Variants in RUFY3 observed in about 807,000 individuals in gnomAD.
RUFY3 encodes RUN and FYVE domain containing 3.
In RUFY3, 34 loss-of-function variants were observed where a neutral mutation model predicts 84.0. The ratio of observed to expected loss-of-function variants is 0.40; its 90% confidence interval spans 0.31 to 0.54. The LOEUF (loss-of-function observed/expected upper bound fraction) is 0.54. Ranked by LOEUF, RUFY3 falls within the 20% of genes least tolerant of loss-of-function variation. The pLI, the probability that RUFY3 is intolerant of heterozygous loss-of-function variation, is 0.39. For missense variants in RUFY3, 507 were observed against 736.8 expected (o/e 0.69, Z 3.61); for synonymous variants, 242 against 252.9 (o/e 0.96, Z 0.41).
intron 12 of RUFY3, chr4:70,793,453 A>C: frequency 8.8e-7 from 1 of 1,131,490 alleles, no homozygotes; most frequent in Non-Finnish European, 1.1e-6. Context: ...ATTACTGTGT[A>C]CTTGAGGTTG....
chr4:70,709,744 C>T (rs78792330), intron 1 of RUFY3, among the ~76,000 whole-genome samples: 12,865 of 152,198 alleles, frequency 0.085, 1,280 homozygotes, highest in East Asian at 0.22. Context: ...GCACAGTTAA[C>T]AGCTTCTATT....
Position 70,721,993 on chromosome 4 carries a change from C to T in RUFY3, c.-581C>T. ...CATTAGTCAGCCATTTTGGTCAACA[C>T]CCTGCTTACTGCGCACGGCCAATCC... On this transcript the variant is annotated 5_prime_UTR_variant, in exon 1 of 18. Coordinates refer to ENST00000381006, the MANE Select transcript of RUFY3 (RefSeq NM_001037442.4). The T allele has an allele frequency of 1.6e-6, 2 of 1,232,176 alleles. No homozygotes were observed. The highest frequency in any genetic ancestry group is 3.2e-5 in the East Asian group (1 of 31,706). The allele number at this position is 1,232,176 out of a possible 1,614,324, so 76.3% of individuals were successfully genotyped here.
At chr4:70,715,765 G>A (rs867210574) in intron 1 of RUFY3, among the ~76,000 whole-genome samples, 5 of 152,222 alleles carry the variant, frequency 3.3e-5, no homozygotes, top group Non-Finnish European at 5.9e-5. Context: ...TTAGGAAGAA[G>A]TTTCTATTCT....
chr4:70,742,599 G>C (rs1721501192), intron 1 of RUFY3, among the ~76,000 whole-genome samples: 1 of 152,214 alleles, frequency 6.6e-6, no homozygotes, highest in South Asian at 2.1e-4. Context: ...ACTTGCTGCT[G>C]CAGAACTTGG....
chr4:70,756,974 A>T (rs1381222027), intron 1 of RUFY3, among the ~76,000 whole-genome samples: 1 of 152,192 alleles, frequency 6.6e-6, no homozygotes, highest in African/African-American at 2.4e-5. Context: ...TAACAAAAAA[A>T]AAATTTTTTT....
chr4:70,740,161 T>C (rs1721098734), intron 1 of RUFY3, among the ~76,000 whole-genome samples: 1 of 152,120 alleles, frequency 6.6e-6, no homozygotes, highest in African/African-American at 2.4e-5. Context: ...TATAAAAGAA[T>C]GGCATGTTAC....
In RUFY3 at chr4:70,807,729, G is replaced by A. The variant is rs2148826838; in HGVS notation, c.*1070G>A. Reference sequence around the variant, plus strand: ...TTGCTCAGCCTGGTCTCAAACTCCTGGGCTTAAGCAGTCCTCCCACCTTGA... The same window carrying A: ...TTGCTCAGCCTGGTCTCAAACTCCTAGGCTTAAGCAGTCCTCCCACCTTGA... On this transcript the variant is annotated 3_prime_UTR_variant, in exon 18 of 18. Transcript: ENST00000381006. Among the ~76,000 whole-genome samples, 1 of 148,640 alleles carries A rather than the reference G, an allele frequency of 6.7e-6. No individual in the cohort carries two copies. The highest frequency in any genetic ancestry group is 2.1e-4 in the South Asian group (1 of 4,704).
chr4:70,799,292 C>T, intron 14 of RUFY3: 2 of 152,416 alleles, frequency 1.3e-5, no homozygotes, highest in Non-Finnish European at 1.5e-5. Flanking sequence ...GTACTCCCAG[C>T]ACTTTGGGAG....
In RUFY3 at chr4:70,793,963, G is replaced by A; in HGVS notation, c.1457+59G>A. ...TCATGGGTAATTCTTAGGGTAGACA[G>A]CAAGAAAAGGGGTCTCATGACTTCC... is the stretch of plus-strand genomic sequence containing the variant. On this transcript the variant is annotated intron_variant, in intron 13 of 17. Transcript: ENST00000381006. 1.3e-6 allele frequency: 2 copies of A among 1,572,998 alleles called. 1 individual carries two copies. Among genetic ancestry groups the A allele is most frequent in the South Asian group, 2.3e-5 (2 of 87,730 alleles).
chr4:70,712,349 C>A (rs1366597394), intron 1 of RUFY3, among the ~76,000 whole-genome samples: 1 of 152,160 alleles, frequency 6.6e-6, no homozygotes, highest in Non-Finnish European at 1.5e-5. Flanking sequence ...CCTCAATAGT[C>A]AGCCTTCAAA....
At chr4:70,780,752 A>G (rs1159609346) in intron 8 of RUFY3, among the ~76,000 whole-genome samples, 1 of 152,236 alleles carries the variant, frequency 6.6e-6, no homozygotes, top group Non-Finnish European at 1.5e-5. Context: ...CTAACACATC[A>G]TAAGCACTCA....
intron 1 of RUFY3, among the ~76,000 whole-genome samples, chr4:70,743,528 T>C (rs1578045750): frequency 6.6e-6 from 1 of 152,292 alleles, no homozygotes; most frequent in South Asian, 2.1e-4. Flanking sequence ...ATTTCTTTAA[T>C]ACAAAGTATT....
At position 70,775,183 on chromosome 4, in the gene RUFY3, T is replaced by C. The variant is rs1157999573; in HGVS notation, c.774T>C (p.Thr258=). 6.2e-7 allele frequency: 1 copy of C among 1,602,018 alleles called. No individual in the cohort carries two copies. The highest frequency in any genetic ancestry group is 8.5e-7 in the Non-Finnish European group (1 of 1,172,120). The change falls in exon 7 of 18, where the codon ACT becomes ACC. Residue 258 remains threonine (T), a synonymous_variant. Transcript: ENST00000381006. ...SKGTEGDGQI[T]AILDQKNYVE... is the part of the protein sequence containing the mutation. ...CTTCCCCCAGAGACGGTCAGATTAC[T>C]GCAATTCTGGACCAGAAGAACTATG...
At chr4:70,783,401 A>C (rs987182734) in intron 9 of RUFY3, among the ~76,000 whole-genome samples, 1 of 152,236 alleles carries the variant, frequency 6.6e-6, no homozygotes, top group African/African-American at 2.4e-5. Flanking sequence ...ATCTGTTTAG[A>C]GACTTCAAGA....
At chr4:70,729,935 G>GTTTTTT (rs11420754) in intron 1 of RUFY3, among the ~76,000 whole-genome samples, 1 of 129,482 alleles carries the variant, frequency 7.7e-6, no homozygotes, top group Non-Finnish European at 1.6e-5. Context: ...TGTTTCTTTC[G>GTTTTTT]TTTTTTTTTT....
chr4:70,703,829 A>T (rs1238849998), upstream of RUFY3: 2 of 152,254 alleles, frequency 1.3e-5, no homozygotes, highest in African/African-American at 4.8e-5. Context: ...GGAAGGGCTG[A>T]ACAGAGAAGA....
At chr4:70,736,473 G>T (rs1720319030) in intron 1 of RUFY3, among the ~76,000 whole-genome samples, 2 of 152,048 alleles carry the variant, frequency 1.3e-5, no homozygotes, top group African/African-American at 4.8e-5. Context: ...TGTGTGACCT[G>T]CCTTTTTTCC....
intron 6 of RUFY3, among the ~76,000 whole-genome samples, chr4:70,774,644 A>AAAAAAAT (rs1553916771): frequency 2.1e-4 from 12 of 56,652 alleles, no homozygotes; most frequent in Non-Finnish European, 3.4e-4. Flanking sequence ...AAAAAAAAAA[A>AAAAAAAT]ATATATATAT....
intron 1 of RUFY3, among the ~76,000 whole-genome samples, chr4:70,727,548 G>T (rs1478753201): frequency 6.6e-6 from 1 of 151,170 alleles, no homozygotes; most frequent in Admixed American, 6.6e-5. Context: ...TAGAGACGGG[G>T]TTTCACCATG....
Sources: allele counts gnomAD v4.1 joint callset (sites outside exome capture counted in the v4.1 genomes callset), GRCh38; gene constraint gnomAD v4.1.1; transcripts MANE v1.5; gene names NCBI Gene and HGNC (gene_info 2026-07-23, HGNC 2026-07-21).